LYPD6B: variants seen among roughly 807,000 people sequenced by gnomAD.
The protein encoded by LYPD6B is LY6/PLAUR domain containing 6B, also known as ly6/PLAUR domain-containing protein 6B.
LYPD6B carries 17 observed loss-of-function variants against 22.8 expected under a neutral mutation model. The observed-to-expected ratio is 0.75, with a 90% CI of 0.51 to 1.12. The LOEUF is 1.12. LYPD6B is among the 50% of genes most tolerant of loss of function. The pLI, the probability that LYPD6B is intolerant of heterozygous loss-of-function variation, is 0.00. For missense variants in LYPD6B, 221 were observed against 258.3 expected, an observed-to-expected ratio of 0.86 and a Z score of 0.99; for synonymous variants, 106 against 91.6, an observed-to-expected ratio of 1.16 and a Z score of -0.90.
At chr2:149,043,221 A>G (rs1166836490) in intron 1 of LYPD6B, among the ~76,000 whole-genome samples, 1 of 152,176 alleles carries the variant, frequency 6.6e-6, no homozygotes, top group Non-Finnish European at 1.5e-5. Flanking sequence ...TGTTTAAAGA[A>G]TCAATTTTAT....
At chr2:149,132,373 A>G (rs1238618841) in intron 2 of LYPD6B, among the ~76,000 whole-genome samples, 1 of 151,258 alleles carries the variant, frequency 6.6e-6, no homozygotes, top group African/African-American at 2.4e-5. Context: ...GGGCAAAAGG[A>G]AAGGGACATA....
chr2:149,041,376 A>G (rs983592893), intron 1 of LYPD6B, among the ~76,000 whole-genome samples: 4 of 152,184 alleles, frequency 2.6e-5, no homozygotes, highest in Non-Finnish European at 5.9e-5. Context: ...TTGCTGCTTA[A>G]TCTTTCTCTA....
At chr2:149,051,129 T>C (rs1683531899) in intron 1 of LYPD6B, among the ~76,000 whole-genome samples, 1 of 151,926 alleles carries the variant, frequency 6.6e-6, no homozygotes, top group Admixed American at 6.6e-5. Context: ...TTTATCAACA[T>C]TTTCTATGTC....
chr2:149,130,968 C>A lies in LYPD6B; in HGVS notation c.5+15C>A. 1 of 1,584,968 alleles carries A rather than the reference C, an allele frequency of 6.3e-7. No individual in the cohort carries two copies. The highest frequency in any genetic ancestry group is 8.7e-7 in the Non-Finnish European group (1 of 1,153,668). On this transcript the variant is annotated intron_variant, in intron 2 of 6. Transcript: ENST00000409642. ...ACATGGATGTTGTGAGTATTATATT[C>A]ACAAGTGGATGTAGAGAAGATATTT...
At chr2:149,050,269 C>T (rs1288576151) in intron 1 of LYPD6B, among the ~76,000 whole-genome samples, 1 of 151,878 alleles carries the variant, frequency 6.6e-6, no homozygotes, top group African/African-American at 2.4e-5. Context: ...CTTTTCTTCT[C>T]GGGGGCCCTT....
At chr2:149,131,848 A>G (rs771905642) in intron 2 of LYPD6B, among the ~76,000 whole-genome samples, 1 of 152,176 alleles carries the variant, frequency 6.6e-6, no homozygotes, top group Non-Finnish European at 1.5e-5. Context: ...ACAGAATGAG[A>G]GGCTAGAAAG....
intron 1 of LYPD6B, among the ~76,000 whole-genome samples, chr2:149,109,419 C>T (rs2105526224): frequency 6.6e-6 from 1 of 152,170 alleles, no homozygotes; most frequent in Non-Finnish European, 1.5e-5. Context: ...ACAATTTGCC[C>T]TTTTCTCTGG....
intron 1 of LYPD6B, among the ~76,000 whole-genome samples, chr2:149,051,729 A>G (rs1160203130): frequency 6.6e-6 from 1 of 151,942 alleles, no homozygotes; most frequent in Non-Finnish European, 1.5e-5. Context: ...GCAGTGGTGC[A>G]ATCTTGGCTC....
intron 2 of LYPD6B, among the ~76,000 whole-genome samples, chr2:149,153,080 C>G (rs562625359): frequency 6.6e-6 from 1 of 152,108 alleles, no homozygotes. Context: ...AAGGAGGAAT[C>G]CAGTGTGGTT....
intron 5 of LYPD6B, among the ~76,000 whole-genome samples, chr2:149,212,013 G>GA (rs1442300411): frequency 6.6e-6 from 1 of 151,398 alleles, no homozygotes; most frequent in East Asian, 1.9e-4. Context: ...AAAAGAGGAG[G>GA]AAAAAAAATG....
At chr2:149,053,030 G>A (rs1389447729) in intron 1 of LYPD6B, among the ~76,000 whole-genome samples, 1 of 152,164 alleles carries the variant, frequency 6.6e-6, no homozygotes, top group Non-Finnish European at 1.5e-5. Context: ...AAGTGCAACT[G>A]AAGAGTTGAA....
chr2:149,121,083 C>A (rs562484522), intron 1 of LYPD6B, among the ~76,000 whole-genome samples: 2 of 152,212 alleles, frequency 1.3e-5, no homozygotes, highest in South Asian at 4.1e-4. Flanking sequence ...TGAGCGACCC[C>A]GCCTGGCAAA....
chr2:149,205,434 A>G lies in LYPD6B; in HGVS notation c.229+30A>G, dbSNP rs568981573. 87 of 1,610,062 alleles carry G rather than the reference A, an allele frequency of 5.4e-5. 1 individual carries two copies. Among genetic ancestry groups the G allele is most frequent in the Non-Finnish European group, 6.7e-5 (79 of 1,177,992 alleles). On this transcript the variant is annotated intron_variant, in intron 4 of 6. Transcript: ENST00000409642. The stretch of plus-strand genomic sequence containing the variant: ...GTAGTGGTGGTTGCCATCCTAGTTC[A>G]TGGCTGTGGGGCCAGAGTGTTAATA...
rs1215211861 is a variant in LYPD6B, at chr2:149,059,677, CT to C, written c.-67+20877del. Among the ~76,000 whole-genome samples the C allele has an allele frequency of 2.0e-5, 3 of 152,314 alleles. No individual in the cohort carries two copies. The East Asian group carries it at 5.8e-4, about 29-fold the overall frequency. ...CATTCTCACTATGGGAGCAGGCACC[CT>C]GCTGACCCTGGGCTGAAAGATGAAC... is the stretch of plus-strand genomic sequence containing the variant. On this transcript the variant is annotated intron_variant, in intron 1 of 6. Coordinates refer to ENST00000409642, the MANE Select transcript of LYPD6B (RefSeq NM_177964.5).
rs942741135 is a variant in LYPD6B, at chr2:149,116,924, T to C, written c.-66-13959T>C. 1.3e-4 allele frequency among the ~76,000 whole-genome samples: 20 copies of C among 152,268 alleles called. No individual in the cohort carries two copies. In the East Asian group the frequency reaches 3.9e-3, roughly 29 times the overall value. On this transcript the variant is annotated intron_variant, in intron 1 of 6. Transcript: ENST00000409642. ...CTTCCTGGACATCAGAAGCTTCTAG[T>C]TTCCCCCCTATCCTAGTAGCCACTG...
intron 1 of LYPD6B, among the ~76,000 whole-genome samples, chr2:149,099,192 G>T (rs1477866252): frequency 6.6e-6 from 1 of 152,110 alleles, no homozygotes; most frequent in Non-Finnish European, 1.5e-5. Flanking sequence ...TCTCTGAACT[G>T]CCAGATAAAT....
At chr2:149,105,774 G>T (rs899658030) in intron 1 of LYPD6B, among the ~76,000 whole-genome samples, 14 of 152,030 alleles carry the variant, frequency 9.2e-5, no homozygotes, top group Non-Finnish European at 1.8e-4. Context: ...CTTCTGTCTG[G>T]ATGGCTTTTG....
Position 149,173,349 on chromosome 2 carries a change from C to CTTTTTTTTTTTTTTTTTTTTTT in LYPD6B, c.77+12534_77+12535insTTTTTTTTTTTTTTTTTTTTTT, listed in dbSNP as rs67113716. On this transcript the variant is annotated intron_variant, in intron 3 of 6. Coordinates refer to ENST00000409642, the MANE Select transcript of LYPD6B (RefSeq NM_177964.5). Reference sequence around the variant, plus strand: ...AGCTTGATGCTTTAGTCTGTCAGGCCTTTTTTTTTTTTTTTTTTTTGCATC... The same window carrying CTTTTTTTTTTTTTTTTTTTTTT: ...AGCTTGATGCTTTAGTCTGTCAGGCCTTTTTTTTTTTTTTTTTTTTTTTTTTTTTTTTTTTTTTTTTTGCATC... Among the ~76,000 whole-genome samples the CTTTTTTTTTTTTTTTTTTTTTT allele has an allele frequency of 2.4e-4, 14 of 58,484 alleles. 1 individual carries two copies. The highest frequency in any genetic ancestry group is 1.1e-3 in the East Asian group (2 of 1,818). 38.4% of individuals were successfully genotyped at this position (58,484 alleles called of 152,430 possible).
intron 3 of LYPD6B, among the ~76,000 whole-genome samples, chr2:149,184,425 A>G (rs1691959621): frequency 6.6e-6 from 1 of 152,198 alleles, no homozygotes; most frequent in Non-Finnish European, 1.5e-5. Context: ...CCTCAGCCTC[A>G]TAAAGAAACT....
Sources: allele counts gnomAD v4.1 joint callset (sites outside exome capture counted in the v4.1 genomes callset), GRCh38; gene constraint gnomAD v4.1.1; transcripts MANE v1.5; gene names NCBI Gene and HGNC (gene_info 2026-07-23, HGNC 2026-07-21).